The following AFAP1 variants were observed in gnomAD, a reference collection of about 807,000 sequenced individuals.
AFAP1 encodes actin filament associated protein 1, also known as actin filament-associated protein 1.
In AFAP1, 75 loss-of-function variants were observed where a neutral mutation model predicts 93.9. That is an observed-to-expected ratio of 0.80 (90% CI 0.66 to 0.97). The LOEUF (loss-of-function observed/expected upper bound fraction) is 0.97. AFAP1 is among the 50% of genes least tolerant of loss of function. The pLI, the probability that AFAP1 is intolerant of heterozygous loss-of-function variation, is 0.00. For synonymous variants in AFAP1, 517 were observed against 430.7 expected (o/e 1.20, Z -2.48); for missense variants, 1,201 against 1,050.8 (o/e 1.14, Z -1.98).
At chr4:7,783,018 A>T (rs1716923054) in intron 12 of AFAP1, among the ~76,000 whole-genome samples, 1 of 152,232 alleles carries the variant, frequency 6.6e-6, no homozygotes, top group South Asian at 2.1e-4. Context: ...ACCTCACAGA[A>T]GTTTCTAGTT....
At chr4:7,783,312 G>T (rs1340639736) in intron 12 of AFAP1, among the ~76,000 whole-genome samples, 1 of 152,114 alleles carries the variant, frequency 6.6e-6, no homozygotes, top group Non-Finnish European at 1.5e-5. Flanking sequence ...GCTAATTTTT[G>T]TATTTTTAGT....
chr4:7,818,393 G>T (rs557814786), intron 7 of AFAP1, among the ~76,000 whole-genome samples: 2 of 152,238 alleles, frequency 1.3e-5, no homozygotes, highest in East Asian at 3.9e-4. Context: ...CTTATATGAG[G>T]ACAGGCAAAA....
At chr4:7,919,155 C>A (rs916609291) in intron 1 of AFAP1, among the ~76,000 whole-genome samples, 1 of 152,190 alleles carries the variant, frequency 6.6e-6, no homozygotes, top group African/African-American at 2.4e-5. Context: ...TCAGCCCGGC[C>A]CCCGGAAAGG....
intron 4 of AFAP1, among the ~76,000 whole-genome samples, chr4:7,846,594 G>A (rs1160157233): frequency 6.6e-6 from 1 of 152,234 alleles, no homozygotes; most frequent in Non-Finnish European, 1.5e-5. Flanking sequence ...AAGATTTAAT[G>A]AGTCAGTTAG....
rs138332221 is a variant in AFAP1, at chr4:7,763,264, G to A, written c.*501C>T. ...TGGAGAGGGTACGCCAAGACACAAA[G>A]TCCACGTCAGGACTGCGTATGCCCC... On this transcript the variant is annotated 3_prime_UTR_variant, in exon 18 of 18. Coordinates refer to ENST00000420658, the MANE Select transcript of AFAP1 (RefSeq NM_001134647.2). The A allele has an allele frequency of 1.6e-3, 250 of 154,952 alleles. No homozygotes were observed. The highest frequency in any genetic ancestry group is 2.8e-3 in the Non-Finnish European group (195 of 69,634). The allele number at this position is 154,952 out of a possible 1,614,324, so 9.6% of individuals were successfully genotyped here.
chr4:7,807,657 C>A (rs1719644569), intron 9 of AFAP1, among the ~76,000 whole-genome samples: 1 of 152,234 alleles, frequency 6.6e-6, no homozygotes, highest in Non-Finnish European at 1.5e-5. Flanking sequence ...GCAGCTGTTT[C>A]AACAGGACCC....
rs369764579 is a variant in AFAP1 at position 7,769,031 on chromosome 4, A to T, written c.2254-23T>A. 160 of 1,573,332 alleles carry T rather than the reference A, an allele frequency of 1.0e-4. 3 individuals are homozygous for T. The South Asian group carries it at 1.7e-3, about 17-fold the overall frequency. Reference sequence around the variant, plus strand: ...AGACTTAACGGAGAGAGAGAACCCCATGTGATGAGCGGTTTCTGGGCCACT... The same window carrying T: ...AGACTTAACGGAGAGAGAGAACCCCTTGTGATGAGCGGTTTCTGGGCCACT... On this transcript the variant is annotated intron_variant, in intron 16 of 17. Transcript: ENST00000420658.
chr4:7,791,829 G>T (rs1717879632), intron 11 of AFAP1, among the ~76,000 whole-genome samples: 1 of 141,126 alleles, frequency 7.1e-6, no homozygotes, highest in Non-Finnish European at 1.5e-5. Flanking sequence ...CTCCAGCCTG[G>T]GCAACCCTTA....
chr4:7,860,291 CA>C (rs59360481), intron 3 of AFAP1, among the ~76,000 whole-genome samples: 13,942 of 151,948 alleles, frequency 0.092, 1,208 homozygotes, highest in East Asian at 0.49. Context: ...ATATGTGTGA[CA>C]GGGGGGTGGA....
At chr4:7,834,523 T>A (rs1224666252) in intron 6 of AFAP1, among the ~76,000 whole-genome samples, 3 of 152,102 alleles carry the variant, frequency 2.0e-5, no homozygotes, top group Admixed American at 6.5e-5. Context: ...TAAAAAAAAT[T>A]TTTTTCAAAA....
At chr4:7,768,698 G>C in intron 17 of AFAP1, 146 bp downstream of exon 17, 1 of 1,025,846 alleles carries the variant, frequency 9.7e-7, no homozygotes, top group South Asian at 2.6e-5. Flanking sequence ...AACTCGATAA[G>C]CACCCATTCC....
intron 1 of AFAP1, among the ~76,000 whole-genome samples, chr4:7,902,766 G>C (rs1468135193): frequency 1.3e-5 from 2 of 152,214 alleles, no homozygotes; most frequent in Non-Finnish European, 1.5e-5. Context: ...GCAGTGAGAA[G>C]TGACCAGGCA....
intron 8 of AFAP1, among the ~76,000 whole-genome samples, chr4:7,812,725 A>G (rs978483049): frequency 6.6e-6 from 1 of 152,212 alleles, no homozygotes; most frequent in Non-Finnish European, 1.5e-5. Context: ...CATTCTCTAA[A>G]ACCATGAGTA....
chr4:7,867,238 G>C (rs1716530180), intron 3 of AFAP1, among the ~76,000 whole-genome samples: 1 of 152,150 alleles, frequency 6.6e-6, no homozygotes, highest in Non-Finnish European at 1.5e-5. Flanking sequence ...TTGGCTGAAG[G>C]CTAAAGTTTG....
intron 1 of AFAP1, among the ~76,000 whole-genome samples, chr4:7,921,787 G>A (rs1006098580): frequency 2.0e-5 from 3 of 152,216 alleles, no homozygotes; most frequent in Non-Finnish European, 4.4e-5. Flanking sequence ...TGGGGAACTG[G>A]TGGAGAACAG....
intron 1 of AFAP1, among the ~76,000 whole-genome samples, chr4:7,904,367 A>C (rs1437046782): frequency 1.3e-5 from 2 of 152,122 alleles, no homozygotes; most frequent in African/African-American, 2.4e-5. Context: ...TCTCCATCAC[A>C]CTATCTATAT....
chr4:7,868,789 C>T (rs1011231856), intron 2 of AFAP1, 70 bp from the exon 3 acceptor site: 1 of 1,370,180 alleles, frequency 7.3e-7, no homozygotes, highest in Admixed American at 1.8e-5. Flanking sequence ...TAGCATCTAT[C>T]AGTTCCTGAA....
intron 1 of AFAP1, among the ~76,000 whole-genome samples, chr4:7,920,094 A>G (rs967978398): frequency 6.6e-5 from 10 of 152,194 alleles, no homozygotes; most frequent in African/African-American, 1.9e-4. Flanking sequence ...CAGTGCTGCA[A>G]TGAACATACG....
Position 7,912,145 on chromosome 4 carries a change from T to A in AFAP1, c.-3+27511A>T, listed in dbSNP as rs553749919. Among the ~76,000 whole-genome samples, 4 of 152,358 alleles carry A rather than the reference T, an allele frequency of 2.6e-5. No homozygotes were observed. The South Asian group carries it at 8.3e-4, about 32-fold the overall frequency. On this transcript the variant is annotated intron_variant, in intron 1 of 17. Coordinates refer to ENST00000420658, the MANE Select transcript of AFAP1 (RefSeq NM_001134647.2). The stretch of plus-strand genomic sequence containing the variant: ...ACCGATGAACAAGGACGTCATTAAC[T>A]ATTGCAAAGTGGTATCCGGGACCTG...
Sources: allele counts gnomAD v4.1 joint callset (sites outside exome capture counted in the v4.1 genomes callset), GRCh38; gene constraint gnomAD v4.1.1; transcripts MANE v1.5; gene names NCBI Gene and HGNC (gene_info 2026-07-23, HGNC 2026-07-21).